The following GLIS1 variants were observed in gnomAD, a reference collection of about 807,000 sequenced individuals.
The protein encoded by GLIS1 is zinc finger protein GLIS1.
GLIS1 carries 24 observed loss-of-function variants against 63.8 expected under a neutral mutation model. The ratio of observed to expected loss-of-function variants is 0.38; its 90% CI spans 0.27 to 0.53. The LOEUF (loss-of-function observed/expected upper bound fraction) is 0.53. GLIS1 is among the 20% of genes least tolerant of loss of function. GLIS1 has a pLI of 0.85. For missense variants in GLIS1, 1,036 were observed against 1,074.1 expected, an observed-to-expected ratio of 0.96 and a Z score of 0.50; for synonymous variants, 450 against 482.5, an observed-to-expected ratio of 0.93 and a Z score of 0.88.
At chr1:53,587,508 A>T (rs1037625098) in intron 4 of GLIS1, among the ~76,000 whole-genome samples, 1 of 152,168 alleles carries the variant, frequency 6.6e-6, no homozygotes, top group African/African-American at 2.4e-5. Context: ...TCTCCAGGGC[A>T]GCTTTTTGAT....
At chr1:53,726,740 A>G (rs1646809445) in intron 2 of GLIS1, among the ~76,000 whole-genome samples, 1 of 151,746 alleles carries the variant, frequency 6.6e-6, no homozygotes, top group Admixed American at 6.6e-5. Context: ...AGGGGAAACC[A>G]CTATGCCCAC....
chr1:53,653,098 GAGACAAACCCAGGCTGGAGGTCGGAC>G (rs1172610974), intron 2 of GLIS1, among the ~76,000 whole-genome samples: 1 of 152,208 alleles, frequency 6.6e-6, no homozygotes, highest in Non-Finnish European at 1.5e-5. Flanking sequence ...TGGGCCCAAA[GAGACAAACCCAGGCTGGAGGTCGGAC>G]TGGGTAAGTG....
chr1:53,655,319 T>C (rs185237782), intron 2 of GLIS1, among the ~76,000 whole-genome samples: 1 of 152,290 alleles, frequency 6.6e-6, no homozygotes, highest in Non-Finnish European at 1.5e-5. Flanking sequence ...TCTAGACGAG[T>C]TGTCTCCAAC....
chr1:53,508,985 T>C (rs1644266939), intron 10 of GLIS1, 135 bp downstream of exon 10: 3 of 867,882 alleles, frequency 3.5e-6, no homozygotes, highest in East Asian at 2.8e-5. Context: ...GAGCCTCTAC[T>C]TCCCCCTCTG....
At chr1:53,652,740 C>A (rs1468997932) in intron 2 of GLIS1, among the ~76,000 whole-genome samples, 2 of 152,096 alleles carry the variant, frequency 1.3e-5, no homozygotes, top group Non-Finnish European at 2.9e-5. Context: ...AGTCACCCTC[C>A]TAAAACCAAG....
chr1:53,599,264 C>G (rs1645291130), intron 3 of GLIS1, among the ~76,000 whole-genome samples: 1 of 152,182 alleles, frequency 6.6e-6, no homozygotes, highest in Non-Finnish European at 1.5e-5. Flanking sequence ...TAAAAGGTGA[C>G]TGGGTTGGGT....
rs544729541 is a variant in GLIS1 at position 53,732,528 on chromosome 1, A to G, written c.259+5278T>C. Among the ~76,000 whole-genome samples the G allele has an allele frequency of 4.5e-3, 677 of 152,128 alleles. 2 individuals are homozygous for G. The highest frequency in any genetic ancestry group is 6.8e-3 in the Non-Finnish European group (463 of 68,008). The stretch of plus-strand genomic sequence containing the variant: ...GGGCAGTGGCTGCTGATAAACAAGA[A>G]GTCCGTTTTTAAACTGCTAGAATCA... On this transcript the variant is annotated intron_variant, in intron 2 of 10. Coordinates refer to ENST00000628545, the MANE Select transcript of GLIS1 (RefSeq NM_001367484.1).
At chr1:53,550,914 G>A (rs538711202) in intron 4 of GLIS1, among the ~76,000 whole-genome samples, 1 of 152,034 alleles carries the variant, frequency 6.6e-6, no homozygotes, top group Non-Finnish European at 1.5e-5. Flanking sequence ...GCAATGGCGC[G>A]ATCTCGGCTC....
At chr1:53,734,292 T>A (rs1402652835) in intron 2 of GLIS1, 1 of 714,030 alleles carries the variant, frequency 1.4e-6, no homozygotes, top group Non-Finnish European at 1.7e-6. Flanking sequence ...AATGGAATCA[T>A]GTGGTAAACT....
At chr1:53,516,706 G>C (rs1644356426) in intron 7 of GLIS1, among the ~76,000 whole-genome samples, 1 of 151,958 alleles carries the variant, frequency 6.6e-6, no homozygotes, top group Admixed American at 6.6e-5. Flanking sequence ...CCAGCTACTT[G>C]GGAGGCTGAG....
In GLIS1 at chr1:53,594,484, C is replaced by A. The variant is rs1557469875; in HGVS notation, c.944G>T (p.Arg315Leu). The A allele has an allele frequency of 4.3e-6, 7 of 1,612,898 alleles. No homozygotes were observed. The highest frequency in any genetic ancestry group is 5.9e-6 in the Non-Finnish European group (7 of 1,180,008). The change falls in exon 4 of 11, where the codon CGG (arginine) becomes CTG (leucine). Residue 315 changes from arginine to leucine, a missense_variant. This residue lies in a region of GLIS1 where 592 missense variants were observed against 593.9 expected (regional missense o/e 1.00). Transcript: ENST00000628545. ...TTCCTGCTTCAGGAAGCTCGCCTTC[C>A]GGCAGGCTTCAAGTTGCAAGCTGCC... ...HEGSLQLEACRKASFLKQEPA... is the reference protein window; with the variant it reads ...HEGSLQLEACLKASFLKQEPA...
chr1:53,643,001 C>A (rs978390416), intron 2 of GLIS1, among the ~76,000 whole-genome samples: 1 of 152,182 alleles, frequency 6.6e-6, no homozygotes, highest in Non-Finnish European at 1.5e-5. Context: ...GCTGTCAAAC[C>A]ACCACAGGGC....
At chr1:53,523,910 C>T (rs1026953507) in intron 6 of GLIS1, among the ~76,000 whole-genome samples, 5 of 152,220 alleles carry the variant, frequency 3.3e-5, no homozygotes, top group East Asian at 1.9e-4. Flanking sequence ...CGCTGCTTGG[C>T]CGCTGATCCT....
intron 2 of GLIS1, among the ~76,000 whole-genome samples, chr1:53,632,685 TGAATGA>T (rs1157430031): frequency 9.2e-5 from 13 of 141,716 alleles, no homozygotes; most frequent in South Asian, 4.7e-4. Flanking sequence ...TGAATGAGTG[TGAATGA>T]GACTGAGGGG....
At chr1:53,692,632 G>A (rs1027105457) in intron 2 of GLIS1, among the ~76,000 whole-genome samples, 6 of 152,230 alleles carry the variant, frequency 3.9e-5, no homozygotes, top group Non-Finnish European at 7.3e-5. Flanking sequence ...GTGTAGCTGG[G>A]GGAGGGATAC....
chr1:53,540,403 C>T (rs1165043753), intron 4 of GLIS1, among the ~76,000 whole-genome samples: 5 of 152,272 alleles, frequency 3.3e-5, no homozygotes, highest in South Asian at 2.1e-4. Context: ...ACTCGCCCCA[C>T]GGCCTCAGCA....
chr1:53,622,448 A>AAAAAAG (rs1453765493), intron 2 of GLIS1, among the ~76,000 whole-genome samples: 1 of 135,414 alleles, frequency 7.4e-6, no homozygotes. Context: ...AAAAAAAAAA[A>AAAAAAG]AAGAAGAAGA....
At chr1:53,555,687 CT>C in intron 4 of GLIS1, among the ~76,000 whole-genome samples, 1 of 152,332 alleles carries the variant, frequency 6.6e-6, no homozygotes, top group African/African-American at 2.4e-5. Flanking sequence ...ATATATACAC[CT>C]ACTATGTACG....
Position 53,585,852 on chromosome 1 carries a change from G to T in GLIS1, c.1320+8256C>A, listed in dbSNP as rs376095484. 5.3e-5 allele frequency among the ~76,000 whole-genome samples: 8 copies of T among 152,312 alleles called. No homozygotes were observed. The South Asian group carries it at 6.2e-4, about 12-fold the overall frequency. On this transcript the variant is annotated intron_variant, in intron 4 of 10. Coordinates refer to ENST00000628545, the MANE Select transcript of GLIS1 (RefSeq NM_001367484.1). Reference sequence around the variant, plus strand: ...TGCCCCTCTGCAGAGCACTCTGCAGGTACAGAGCACAGCCCCTCCACCCCC... The same window carrying T: ...TGCCCCTCTGCAGAGCACTCTGCAGTTACAGAGCACAGCCCCTCCACCCCC...
Sources: gnomAD v4.1 joint callset for allele counts (sites outside exome capture counted in the v4.1 genomes callset) on GRCh38, gnomAD v4.1.1 for gene constraint, gnomAD v4.1.1 regional missense constraint, MANE v1.5 for transcripts, NCBI Gene and HGNC (gene_info 2026-07-23, HGNC 2026-07-21) for gene names.